MRTFA: variants seen among roughly 807,000 people sequenced by gnomAD.
MRTFA encodes the protein myocardin-related transcription factor A.
A neutral mutation model predicts 83.5 loss-of-function variants in MRTFA; 20 were observed. The observed-to-expected ratio is 0.24, with a 90% CI of 0.17 to 0.35. The LOEUF (loss-of-function observed/expected upper bound fraction) is 0.35, where lower values mean the gene tolerates loss of function less well. Ranked by LOEUF, MRTFA falls within the 10% of genes least tolerant of loss-of-function variation. The pLI is 1.00. For missense variants in MRTFA, 1,200 were observed against 1,224.7 expected (o/e 0.98, Z 0.30); for synonymous variants, 659 against 541.2 (o/e 1.22, Z -3.02).
intron 3 of MRTFA, among the ~76,000 whole-genome samples, chr22:40,514,716 G>C (rs577362529): frequency 1.3e-5 from 2 of 151,602 alleles, no homozygotes; most frequent in Non-Finnish European, 2.9e-5. Flanking sequence ...CTGACCTCAA[G>C]TGATCCACCC....
At chr22:40,591,039 G>A (rs1010617475) in intron 2 of MRTFA, among the ~76,000 whole-genome samples, 5 of 152,180 alleles carry the variant, frequency 3.3e-5, no homozygotes, top group Admixed American at 6.5e-5. Flanking sequence ...GGAGGCTGAG[G>A]CAGGAGAATT....
At chr22:40,621,715 C>T (rs562050944) in intron 1 of MRTFA, among the ~76,000 whole-genome samples, 1 of 152,292 alleles carries the variant, frequency 6.6e-6, no homozygotes, top group East Asian at 1.9e-4. Context: ...AAAGCAGAAG[C>T]TAGAGCCAGA....
At chr22:40,535,138 T>C (rs1330235490) in intron 3 of MRTFA, among the ~76,000 whole-genome samples, 1 of 152,110 alleles carries the variant, frequency 6.6e-6, no homozygotes, top group Admixed American at 6.6e-5. Context: ...AATGCTGCTC[T>C]GGGAAAGCAG....
intron 3 of MRTFA, among the ~76,000 whole-genome samples, chr22:40,536,389 GC>G (rs1386091817): frequency 2.0e-5 from 3 of 151,442 alleles, no homozygotes; most frequent in African/African-American, 4.8e-5. Context: ...CTCAGTCTTT[GC>G]CGCGGCGCCG....
chr22:40,581,463 G>C (rs545922347), intron 2 of MRTFA, among the ~76,000 whole-genome samples: 1 of 152,036 alleles, frequency 6.6e-6, no homozygotes. Context: ...AGTGTATTAG[G>C]GTTTCTCTTT....
intron 1 of MRTFA, among the ~76,000 whole-genome samples, chr22:40,614,236 A>G (rs1279462122): frequency 2.7e-5 from 4 of 150,800 alleles, no homozygotes; most frequent in Admixed American, 2.0e-4. Flanking sequence ...TAAATAAAAA[A>G]TAAAAAAAAA....
chr22:40,493,373 G>A (rs935273086), intron 3 of MRTFA, among the ~76,000 whole-genome samples: 2 of 152,150 alleles, frequency 1.3e-5, no homozygotes, highest in Non-Finnish European at 1.5e-5. Context: ...TGATCAATCT[G>A]TTCCACTAGG....
intron 2 of MRTFA, among the ~76,000 whole-genome samples, chr22:40,554,981 T>G (rs1471041874): frequency 2.6e-5 from 4 of 152,244 alleles, no homozygotes; most frequent in African/African-American, 4.8e-5. Context: ...GTTTCAGACT[T>G]GCATGGGGCC....
intron 3 of MRTFA, among the ~76,000 whole-genome samples, chr22:40,494,245 G>A (rs2054314794): frequency 6.6e-6 from 1 of 152,016 alleles, no homozygotes; most frequent in Non-Finnish European, 1.5e-5. Context: ...GTAATAAAGG[G>A]AGATATTATT....
In MRTFA at chr22:40,419,180, C is replaced by A; in HGVS notation, c.1558G>T (p.Ala520Ser). The A allele has an allele frequency of 1.3e-6, 2 of 1,585,912 alleles. No homozygotes were observed. The highest frequency in any genetic ancestry group is 8.6e-7 in the Non-Finnish European group (1 of 1,165,968). The change falls in exon 12 of 15, where the codon GCC becomes TCC. Residue 520 changes from alanine (A) to serine (S), a missense_variant. Ala to Ser is a moderately conservative substitution (Grantham distance 99). Coordinates refer to ENST00000355630, the MANE Select transcript of MRTFA (RefSeq NM_020831.6). Reference sequence around the variant, plus strand: ...GGAGCCAGGCCTGCTGCCACCAGGGCTGGCCCCGTGCTCAGCCGGGCCGCT... The same window carrying A: ...GGAGCCAGGCCTGCTGCCACCAGGGATGGCCCCGTGCTCAGCCGGGCCGCT...
chr22:40,506,408 T>C, intron 3 of MRTFA, among the ~76,000 whole-genome samples: 1 of 152,206 alleles, frequency 6.6e-6, no homozygotes, highest in East Asian at 1.9e-4. Flanking sequence ...GAAAATAAGA[T>C]TGTGCACAGA....
intron 3 of MRTFA, among the ~76,000 whole-genome samples, chr22:40,545,871 T>G (rs1454576810): frequency 1.3e-5 from 2 of 150,892 alleles, no homozygotes; most frequent in East Asian, 3.9e-4. Flanking sequence ...GTAGCTGGGA[T>G]TACAGGCACC....
At chr22:40,577,265 A>G (rs543342750) in intron 2 of MRTFA, among the ~76,000 whole-genome samples, 1 of 151,478 alleles carries the variant, frequency 6.6e-6, no homozygotes, top group East Asian at 1.9e-4. Context: ...AAATTAAAAA[A>G]AAAAGACTAT....
intron 3 of MRTFA, among the ~76,000 whole-genome samples, chr22:40,497,746 C>CA (rs760962517): frequency 0.017 from 2,357 of 140,840 alleles, 34 homozygotes; most frequent in Middle Eastern, 0.025. Flanking sequence ...GAGACTGTCT[C>CA]AAAAAAAAAA....
chr22:40,604,287 C>A (rs1307509414), intron 1 of MRTFA, among the ~76,000 whole-genome samples: 1 of 151,904 alleles, frequency 6.6e-6, no homozygotes, highest in African/African-American at 2.4e-5. Context: ...CCCGCCACCA[C>A]ACCTGACTAA....
intron 5 of MRTFA, chr22:40,433,222 T>C (rs1003724531): frequency 4.9e-5 from 8 of 163,238 alleles, no homozygotes; most frequent in African/African-American, 1.9e-4. Context: ...ATAAGGTCTC[T>C]GATGGAAAAC....
chr22:40,615,513 T>G (rs2056438266), intron 1 of MRTFA, among the ~76,000 whole-genome samples: 1 of 152,202 alleles, frequency 6.6e-6, no homozygotes, highest in South Asian at 2.1e-4. Context: ...AAAGTCCTGC[T>G]GAGATTTTGG....
intron 3 of MRTFA, among the ~76,000 whole-genome samples, chr22:40,527,830 C>A (rs926224167): frequency 1.3e-5 from 2 of 151,274 alleles, no homozygotes; most frequent in East Asian, 3.9e-4. Context: ...TTATGAGTCT[C>A]GTCTTTATTT....
At chr22:40,538,985 CTTTTGTTTT>C (rs2055238577) in intron 3 of MRTFA, among the ~76,000 whole-genome samples, 2 of 106,888 alleles carry the variant, frequency 1.9e-5, no homozygotes, top group African/African-American at 7.6e-5. Context: ...GATACACAGC[CTTTTGTTTT>C]TTTTTTTTTT....
Sources: allele counts gnomAD v4.1 joint callset (sites outside exome capture counted in the v4.1 genomes callset), GRCh38; gene constraint gnomAD v4.1.1; transcripts MANE v1.5; gene names NCBI Gene and HGNC (gene_info 2026-07-23, HGNC 2026-07-21).